POLN: variants seen among roughly 807,000 people sequenced by gnomAD.
POLN encodes DNA polymerase nu, also known as DNA polymerase N.
Under a neutral mutation model 113.5 loss-of-function variants are expected in POLN, and 108 were observed. That is an observed-to-expected ratio of 0.95 (90% confidence interval 0.81 to 1.12). The LOEUF is 1.12. POLN is among the 50% of genes most tolerant of loss of function. The pLI is 0.00. For synonymous variants in POLN, 386 were observed against 391.5 expected (o/e 0.99, Z 0.17); for missense variants, 1,097 against 1,077.1 (o/e 1.02, Z -0.26).
chr4:2,221,854 G>A (rs1734260691), intron 3 of POLN, among the ~76,000 whole-genome samples: 1 of 152,084 alleles, frequency 6.6e-6, no homozygotes, highest in Non-Finnish European at 1.5e-5. Flanking sequence ...GGATTACAGG[G>A]GTGAGCTATC....
chr4:2,087,499 GC>G (rs1391457796), intron 20 of POLN, among the ~76,000 whole-genome samples: 1 of 152,176 alleles, frequency 6.6e-6, no homozygotes. Flanking sequence ...CTGCTGTTAA[GC>G]CCATCTGGTG....
chr4:2,127,298 A>G lies in POLN; in HGVS notation c.1982+815T>C, dbSNP rs1731607486. Among the ~76,000 whole-genome samples the G allele has an allele frequency of 6.6e-6, 1 of 152,112 alleles. No individual in the cohort carries two copies. Among genetic ancestry groups the G allele is most frequent in the African/African-American group, 2.4e-5 (1 of 41,412 alleles). On this transcript the variant is annotated intron_variant, in intron 19 of 25. Transcript: ENST00000511885. The surrounding 1 kb of genome is among the most constrained non-coding windows in gnomAD (Gnocchi z 4.7). ...ACACACTTCCCCCTCCCCTTCCTCA[A>G]AGGGGCACTGATGCACCCGGCCCGG... is the stretch of plus-strand genomic sequence containing the variant.
chr4:2,216,635 C>T (rs1734119194), intron 3 of POLN, among the ~76,000 whole-genome samples: 3 of 152,232 alleles, frequency 2.0e-5, no homozygotes, highest in Admixed American at 2.0e-4. Flanking sequence ...GTGGATCAAA[C>T]ACTCTGTGAA....
At chr4:2,206,880 C>T (rs899507230) in intron 5 of POLN, among the ~76,000 whole-genome samples, 1 of 152,196 alleles carries the variant, frequency 6.6e-6, no homozygotes, top group Non-Finnish European at 1.5e-5. Context: ...CCATTTGATC[C>T]AGCAATCCCA....
chr4:2,210,959 A>G (rs1733979103), intron 4 of POLN, among the ~76,000 whole-genome samples: 1 of 149,522 alleles, frequency 6.7e-6, no homozygotes, highest in Non-Finnish European at 1.5e-5. Flanking sequence ...ATAAATAAAT[A>G]AATAAAATAG....
At chr4:2,164,540 C>G (rs1751794) in intron 13 of POLN, among the ~76,000 whole-genome samples, 3 of 143,374 alleles carry the variant, frequency 2.1e-5, no homozygotes, top group Non-Finnish European at 4.5e-5. Flanking sequence ...TGGTGGCTCA[C>G]GCCTGTAATC....
intron 5 of POLN, among the ~76,000 whole-genome samples, chr4:2,203,578 TAAA>T (rs775806584): frequency 8.6e-6 from 1 of 116,228 alleles, no homozygotes. Context: ...AGACTCTGTC[TAAA>T]AAAAAAAAAA....
intron 5 of POLN, 117 bp from the exon 6 acceptor site, chr4:2,198,834 A>C (rs901967549): frequency 2.0e-6 from 2 of 1,025,218 alleles, no homozygotes; most frequent in Non-Finnish European, 2.8e-6. Context: ...CTTGTAAATG[A>C]ATAGTTTTTT....
chr4:2,180,469 A>G (rs1733110183), intron 7 of POLN, among the ~76,000 whole-genome samples: 2 of 152,250 alleles, frequency 1.3e-5, no homozygotes, highest in African/African-American at 2.4e-5. Context: ...ATGTTCAGGC[A>G]TCTTTAAATT....
intron 4 of POLN, 111 bp from the exon 5 acceptor site, chr4:2,208,598 T>C: frequency 3.6e-6 from 3 of 835,986 alleles, no homozygotes; most frequent in Non-Finnish European, 5.3e-6. Flanking sequence ...GACACAATCT[T>C]CATATTACCT....
chr4:2,225,709 A>G (rs1734368850), intron 3 of POLN, among the ~76,000 whole-genome samples: 1 of 152,110 alleles, frequency 6.6e-6, no homozygotes, highest in Admixed American at 6.6e-5. Context: ...CTAAAAAAAA[A>G]TAGTAGGCCA....
intron 3 of POLN, chr4:2,228,354 T>C: frequency 3.9e-6 from 1 of 254,206 alleles, no homozygotes; most frequent in African/African-American, 2.6e-5. Context: ...TTCACTTTTT[T>C]TTTTTTTTTT....
intron 3 of POLN, among the ~76,000 whole-genome samples, chr4:2,214,375 T>C (rs1328619359): frequency 2.0e-5 from 3 of 152,132 alleles, no homozygotes; most frequent in Non-Finnish European, 2.9e-5. Context: ...GATTAATTAA[T>C]AGGGCTGGTA....
intron 4 of POLN, among the ~76,000 whole-genome samples, chr4:2,211,178 G>A (rs943283481): frequency 3.4e-5 from 5 of 148,388 alleles, no homozygotes; most frequent in Admixed American, 1.3e-4. Flanking sequence ...TAACCCAGGA[G>A]GCGGAGGTTG....
intron 2 of POLN, chr4:2,238,631 A>G (rs1734851141): frequency 6.2e-7 from 1 of 1,606,268 alleles, no homozygotes; most frequent in South Asian, 1.1e-5. Context: ...CTTAGTATCA[A>G]TGGTATTCCT....
At chr4:2,116,014 G>C (rs899225635) in intron 19 of POLN, among the ~76,000 whole-genome samples, 2 of 152,178 alleles carry the variant, frequency 1.3e-5, no homozygotes, top group Non-Finnish European at 2.9e-5. Flanking sequence ...TCCCATTCCA[G>C]CTTTCTGCAC....
chr4:2,241,264 G>T (rs967929664), intron 2 of POLN, among the ~76,000 whole-genome samples: 25 of 152,180 alleles, frequency 1.6e-4, no homozygotes, highest in Admixed American at 1.6e-3. Context: ...CTAGTTCTCA[G>T]AAAACCGCAA....
intron 16 of POLN, among the ~76,000 whole-genome samples, chr4:2,136,900 A>G (rs1226694416): frequency 1.3e-5 from 2 of 152,256 alleles, no homozygotes; most frequent in Non-Finnish European, 2.9e-5. Flanking sequence ...TGATAGTCAC[A>G]GGGTCTTGGC....
chr4:2,137,912 C>T (rs554896277), intron 16 of POLN, among the ~76,000 whole-genome samples: 1 of 152,244 alleles, frequency 6.6e-6, no homozygotes, highest in East Asian at 1.9e-4. Context: ...GATCTTGGCT[C>T]ACTGCAACCT....
Sources: gnomAD v4.1 joint callset for allele counts (sites outside exome capture counted in the v4.1 genomes callset) on GRCh38, gnomAD v4.1.1 for gene constraint, Gnocchi (gnomAD v3.1) non-coding constraint, MANE v1.5 for transcripts, NCBI Gene and HGNC (gene_info 2026-07-23, HGNC 2026-07-21) for gene names.